PHIP: variants seen among roughly 807,000 people sequenced by gnomAD.
PHIP encodes PH-interacting protein.
PHIP carries 54 observed loss-of-function variants against 236.8 expected under a neutral mutation model. That is an observed-to-expected ratio of 0.23 (90% CI 0.18 to 0.29). The LOEUF is 0.29. Among genes scored for constraint, PHIP ranks in the 10% least tolerant of loss-of-function variants. PHIP has a pLI of 1.00. For missense variants in PHIP, 1,370 were observed against 2,190.8 expected (o/e 0.63, Z 7.48); for synonymous variants, 756 against 718.9 (o/e 1.05, Z -0.83).
rs1025752376 is a variant in PHIP, at chr6:78,935,852, T to G, written c.*4841A>C. ...ACTTTAAAAAGCAAATAATAAATCATGAGGCTCTACAAAATAGCTTAGAAA... is the reference window on the plus strand; with the variant it reads ...ACTTTAAAAAGCAAATAATAAATCAGGAGGCTCTACAAAATAGCTTAGAAA... On this transcript the variant is annotated 3_prime_UTR_variant, in exon 40 of 40. Transcript: ENST00000275034. 5 of 549,698 alleles carry G rather than the reference T, an allele frequency of 9.1e-6. No individual in the cohort carries two copies. The highest frequency in any genetic ancestry group is 1.2e-5 in the Non-Finnish European group (5 of 431,866). The allele number at this position is 549,698 out of a possible 1,614,324, so 34.1% of individuals were successfully genotyped here.
At chr6:78,942,587 T>C (rs746135820) in intron 39 of PHIP, among the ~76,000 whole-genome samples, 1 of 152,140 alleles carries the variant, frequency 6.6e-6, no homozygotes, top group African/African-American at 2.4e-5. Context: ...CTGACCCCCA[T>C]AGTGAAATGA....
intron 20 of PHIP, among the ~76,000 whole-genome samples, chr6:78,988,923 C>A (rs1329342502): frequency 3.3e-5 from 5 of 152,046 alleles, no homozygotes; most frequent in Non-Finnish European, 1.5e-5. Flanking sequence ...AGCTACCCTG[C>A]CACTATGAAG....
intron 38 of PHIP, 143 bp from the exon 39 acceptor site, chr6:78,945,640 T>C (rs1381890620): frequency 1.4e-5 from 9 of 647,558 alleles, no homozygotes; most frequent in African/African-American, 3.7e-5. Flanking sequence ...TACTTTCTAA[T>C]AGGAAAAAGG....
intron 39 of PHIP, among the ~76,000 whole-genome samples, chr6:78,943,403 T>C (rs1773609840): frequency 6.6e-6 from 1 of 152,200 alleles, no homozygotes; most frequent in African/African-American, 2.4e-5. Context: ...CAATTCATCA[T>C]ATATATTTGA....
At chr6:79,031,624 G>GA (rs1368309887) in intron 7 of PHIP, among the ~76,000 whole-genome samples, 3 of 151,948 alleles carry the variant, frequency 2.0e-5, no homozygotes, top group Non-Finnish European at 4.4e-5. Context: ...TGCCACACCT[G>GA]AAAAAAACAC....
chr6:78,985,554 A>G, intron 21 of PHIP, 126 bp from the exon 22 acceptor site: 1 of 700,894 alleles, frequency 1.4e-6, no homozygotes, highest in Non-Finnish European at 2.6e-6. Context: ...GATTTAAATT[A>G]GTTGCAAAGG....
At chr6:78,955,138 G>A (rs1766330594) in intron 34 of PHIP, 94 bp downstream of exon 34, 1 of 927,164 alleles carries the variant, frequency 1.1e-6, no homozygotes. Flanking sequence ...AATACTTAAT[G>A]TCTTTTAAAA....
rs1773273993 is a variant in PHIP, at chr6:78,936,436, A to G, written c.*4257T>C. On this transcript the variant is annotated 3_prime_UTR_variant, in exon 40 of 40. Coordinates refer to ENST00000275034, the MANE Select transcript of PHIP (RefSeq NM_017934.7). ...GTATTGTCTCATGTTATAGTCTATC[A>G]TTGTGACTAATCAACACACACAATC... is the stretch of plus-strand genomic sequence containing the variant. 3 of 151,982 alleles carry G rather than the reference A, an allele frequency of 2.0e-5. No homozygotes were observed. In the South Asian group the frequency reaches 6.2e-4, roughly 31 times the overall value. 9.4% of individuals were successfully genotyped at this position (151,982 alleles called of 1,614,324 possible).
In PHIP at chr6:78,988,311, G is replaced by T; in HGVS notation, c.2358C>A (p.Ser786=). ...TGTGTTGATTTGTCTGTTGCTTTTTGGATTCTCCAAGATCCAGGAAATGCT... is the reference window on the plus strand; with the variant it reads ...TGTGTTGATTTGTCTGTTGCTTTTTTGATTCTCCAAGATCCAGGAAATGCT... ...AHEHFLDLGE[S]KKQQTNQHNY... The change falls in exon 21 of 40, where the codon TCC becomes TCA. Residue 786 remains serine, a synonymous_variant. Coordinates refer to ENST00000275034, the MANE Select transcript of PHIP (RefSeq NM_017934.7). 1 of 1,605,316 alleles carries T rather than the reference G, an allele frequency of 6.2e-7. No individual in the cohort carries two copies.
intron 4 of PHIP, among the ~76,000 whole-genome samples, chr6:79,068,666 T>G (rs1773743299): frequency 1.3e-5 from 2 of 152,230 alleles, no homozygotes; most frequent in African/African-American, 4.8e-5. Flanking sequence ...CAGTTAGTAC[T>G]GTACCTAACA....
At chr6:79,046,763 C>T (rs1486245307) in intron 6 of PHIP, among the ~76,000 whole-genome samples, 1 of 151,942 alleles carries the variant, frequency 6.6e-6, no homozygotes, top group Non-Finnish European at 1.5e-5. Context: ...GTAATCCCAG[C>T]TATGTGGGAG....
intron 4 of PHIP, among the ~76,000 whole-genome samples, chr6:79,065,757 A>T (rs1170380220): frequency 7.1e-6 from 1 of 141,220 alleles, no homozygotes; most frequent in African/African-American, 2.7e-5. Flanking sequence ...TTTTGCTCTT[A>T]ACTATACCAC....
At chr6:79,034,886 G>A (rs1200732710) in intron 7 of PHIP, among the ~76,000 whole-genome samples, 1 of 152,152 alleles carries the variant, frequency 6.6e-6, no homozygotes, top group Non-Finnish European at 1.5e-5. Flanking sequence ...GATTAACACT[G>A]AATGACTAAT....
chr6:79,078,063 A>G lies in PHIP; in HGVS notation c.6T>C (p.Ser2=). 1.2e-6 allele frequency: 2 copies of G among 1,609,174 alleles called. No individual in the cohort carries two copies. Among genetic ancestry groups the G allele is most frequent in the East Asian group, 2.2e-5 (1 of 44,650 alleles). The stretch of plus-strand genomic sequence containing the variant: ...GCTCCGAGAGGCCTTTCCTCTCACA[A>G]GACATGTTTATGGGTCACTTCAGGG... M[S]CERKGLSELR... Residue 2 remains serine (S), a synonymous_variant, in exon 1 of 40, where the codon TCT becomes TCC. Coordinates refer to ENST00000275034, the MANE Select transcript of PHIP (RefSeq NM_017934.7).
rs757146977 is a variant in PHIP at position 78,946,854 on chromosome 6, G to A, written c.4227C>T (p.Arg1409=). Residue 1409 remains arginine, a synonymous_variant, in exon 37 of 40, where the codon CGC becomes CGT. Transcript: ENST00000275034. ...KRSRIYSMSL[R]LSAFFEEHIS... ...TGTGTTCTTCAAAGAAAGCAGACAG[G>A]CGCAAACTCATGCTGTAAATCTGTG... The A allele has an allele frequency of 3.2e-6, 5 of 1,569,810 alleles. No homozygotes were observed. In the Admixed American group the frequency reaches 1.0e-4, roughly 32 times the overall value.
At chr6:78,954,727 C>A in intron 35 of PHIP, 87 bp downstream of exon 35, 1 of 799,560 alleles carries the variant, frequency 1.3e-6, no homozygotes. Flanking sequence ...AAACTATAAT[C>A]ATAAAAAGTA....
chr6:79,041,269 C>T (rs981227834), intron 7 of PHIP, among the ~76,000 whole-genome samples: 1 of 152,038 alleles, frequency 6.6e-6, no homozygotes, highest in African/African-American at 2.4e-5. Flanking sequence ...ATGCTGAACC[C>T]TGGTTCAAAA....
At chr6:79,031,438 TCATCAAAGGA>T (rs1316026773) in intron 7 of PHIP, among the ~76,000 whole-genome samples, 7 of 152,290 alleles carry the variant, frequency 4.6e-5, no homozygotes, top group Non-Finnish European at 1.5e-5. Flanking sequence ...GACAATCTTG[TCATCAAAGGA>T]TGAAGCCAAG....
intron 35 of PHIP, among the ~76,000 whole-genome samples, chr6:78,952,333 C>A (rs1774206953): frequency 6.7e-6 from 1 of 149,814 alleles, no homozygotes; most frequent in African/African-American, 2.5e-5. Flanking sequence ...GCAGGAGAAT[C>A]GCTTGAATCC....
Sources: gnomAD v4.1 joint callset for allele counts (sites outside exome capture counted in the v4.1 genomes callset) on GRCh38, gnomAD v4.1.1 for gene constraint, MANE v1.5 for transcripts, NCBI Gene and HGNC (gene_info 2026-07-23, HGNC 2026-07-21) for gene names.